Variants in CCAR1 observed in about 807,000 individuals in gnomAD.
The protein encoded by CCAR1 is cell division cycle and apoptosis regulator 1.
CCAR1 carries 78 observed loss-of-function variants against 163.8 expected under a neutral mutation model. That is an observed-to-expected ratio of 0.48 (90% confidence interval 0.40 to 0.57). The LOEUF (loss-of-function observed/expected upper bound fraction) is 0.57, where lower values mean the gene tolerates loss of function less well. CCAR1 is among the 20% of genes least tolerant of loss of function. The probability of loss-of-function intolerance (pLI) is 0.00; values close to 1 mark genes in which losing one functional copy is unlikely to be tolerated. For missense variants in CCAR1, 1,019 were observed against 1,365.2 expected (o/e 0.75, Z 4.00); for synonymous variants, 443 against 460.7 (o/e 0.96, Z 0.49).
In CCAR1 at chr10:68,773,051, G is replaced by T; in HGVS notation, c.2602G>T (p.Asp868Tyr). 6.4e-7 allele frequency: 1 copy of T among 1,569,074 alleles called. No homozygotes were observed. Among genetic ancestry groups the T allele is most frequent in the Non-Finnish European group, 8.7e-7 (1 of 1,152,938 alleles). The change falls in exon 19 of 25, where the codon GAT (aspartate) becomes TAT (tyrosine). Residue 868 changes from aspartate (D) to tyrosine (Y), a missense_variant. By Grantham distance (160) the Asp-to-Tyr change is radical (BLOSUM62 -3). This residue lies in a region of CCAR1 where 358 missense variants were observed against 406.4 expected (regional missense o/e 0.88). Transcript: ENST00000265872. ...DDETEEDNNQ[D>Y]EYDPMEAEEA... is the part of the protein sequence containing the mutation. ...TGAAACTGAAGAAGATAACAATCAA[G>T]ATGAATATGACCCTATGGAAGCAGA... is the stretch of plus-strand genomic sequence containing the variant.
chr10:68,775,117 A>G (rs1482493463), intron 19 of CCAR1: 1 of 201,532 alleles, frequency 5.0e-6, no homozygotes, highest in Non-Finnish European at 1.0e-5. Flanking sequence ...TGATTCAATA[A>G]TTGTTAATAT....
chr10:68,768,828 G>A (rs1322766751), intron 17 of CCAR1, among the ~76,000 whole-genome samples: 1 of 152,004 alleles, frequency 6.6e-6, no homozygotes, highest in African/African-American at 2.4e-5. Flanking sequence ...AAAAGATTGG[G>A]CAACTAATGA....
Position 68,742,562 on chromosome 10 carries a change from CA to C in CCAR1, c.512del (p.Gln171ArgfsTer12). ...FGFVDEDVFF[Q>X]LSAVKGKTPQ... is the part of the protein sequence containing the mutation. ...ATTTGTGGATGAAGATGTATTCTTT[CA>C]GCTTAGGTAAACTTAATGAGGTCTT... On this transcript the variant is annotated frameshift_variant, in exon 6 of 25. Coordinates refer to ENST00000265872, the MANE Select transcript of CCAR1 (RefSeq NM_018237.4). 1.2e-6 allele frequency: 2 copies of C among 1,611,990 alleles called. No individual in the cohort carries two copies. The highest frequency in any genetic ancestry group is 8.5e-7 in the Non-Finnish European group (1 of 1,178,346).
At chr10:68,749,881 G>A (rs183695065) in intron 10 of CCAR1, among the ~76,000 whole-genome samples, 196 bp downstream of exon 10, 22 of 152,196 alleles carry the variant, frequency 1.4e-4, no homozygotes, top group Non-Finnish European at 2.5e-4. Context: ...GAAGGATATC[G>A]ACTGGTATTG....
intron 6 of CCAR1, among the ~76,000 whole-genome samples, chr10:68,744,902 C>T (rs533349755): frequency 6.7e-6 from 1 of 150,020 alleles, no homozygotes; most frequent in East Asian, 2.0e-4. Flanking sequence ...TGCAGTGTTG[C>T]GATCATAGTG....
chr10:68,789,171 A>C (rs1311883878), intron 23 of CCAR1, among the ~76,000 whole-genome samples: 1 of 151,738 alleles, frequency 6.6e-6, no homozygotes, highest in Non-Finnish European at 1.5e-5. Context: ...AGCCTCCCAA[A>C]GTGCTGGGTT....
Position 68,753,973 on chromosome 10 carries a change from G to C in CCAR1, c.1240G>C (p.Gly414Arg). Residue 414 changes from glycine to arginine, a missense_variant, in exon 11 of 25, where the codon GGA (glycine) becomes CGA (arginine). By Grantham distance (125) the Gly-to-Arg change is moderately radical. Transcript: ENST00000265872. The part of the protein sequence containing the change: ...AFPLSRPFQL[G>R]NYCNFYVMHR... The stretch of plus-strand genomic sequence containing the variant: ...CCCTTTGTCAAGACCATTTCAGCTG[G>C]GAAATTACTGCAATTTTTATGTAAT... 1 of 1,613,798 alleles carries C rather than the reference G, an allele frequency of 6.2e-7. No homozygotes were observed. The highest frequency in any genetic ancestry group is 8.5e-7 in the Non-Finnish European group (1 of 1,179,872).
intron 8 of CCAR1, among the ~76,000 whole-genome samples, 190 bp from the exon 9 acceptor site, chr10:68,748,946 G>A (rs1370518502): frequency 6.6e-6 from 1 of 152,044 alleles, no homozygotes; most frequent in Non-Finnish European, 1.5e-5. Context: ...CCAAAGTGCC[G>A]AGATTACTGG....
At chr10:68,723,419 G>A (rs1355447450) in intron 2 of CCAR1, among the ~76,000 whole-genome samples, 1 of 151,018 alleles carries the variant, frequency 6.6e-6, no homozygotes, top group Non-Finnish European at 1.5e-5. Context: ...GTAAGCCACC[G>A]CACCCGGCAG....
chr10:68,754,767 T>C lies in CCAR1; in HGVS notation c.1398T>C (p.Ala466=). Residue 466 remains alanine (A), a synonymous_variant, in exon 12 of 25, where the codon GCT becomes GCC. Transcript: ENST00000265872. ...SMEDLYHKSC[A]LAEDPQELRD... is the part of the protein sequence containing the mutation. ...AAGATTTATATCATAAGTCATGTGC[T>C]CTTGCTGAGGACCCACAAGAACTTC... The C allele has an allele frequency of 6.2e-7, 1 of 1,612,838 alleles. No homozygotes were observed. Among genetic ancestry groups the C allele is most frequent in the Non-Finnish European group, 8.5e-7 (1 of 1,178,876 alleles).
intron 15 of CCAR1, among the ~76,000 whole-genome samples, chr10:68,758,895 C>T (rs552221317): frequency 2.0e-5 from 3 of 151,860 alleles, no homozygotes; most frequent in Non-Finnish European, 2.9e-5. Context: ...CTGGTCTGAA[C>T]TCCTGACCTC....
chr10:68,724,799 G>A (rs1004512063), intron 2 of CCAR1, among the ~76,000 whole-genome samples: 2 of 151,900 alleles, frequency 1.3e-5, no homozygotes, highest in Non-Finnish European at 2.9e-5. Flanking sequence ...GAAAAAGAAA[G>A]AAAACCAACT....
Position 68,747,494 on chromosome 10 carries a change from A to T in CCAR1, c.754A>T (p.Ile252Phe). ...PQPQSLLQAQ[I>F]SAASITPLLQ... ...GCCCCAGTCACTGCTGCAGGCACAG[A>T]TTTCAGCAGCTTCTATTACACCACT... The change falls in exon 8 of 25, where the codon ATT (isoleucine) becomes TTT (phenylalanine). Residue 252 changes from isoleucine (I) to phenylalanine (F), a missense_variant. Coordinates refer to ENST00000265872, the MANE Select transcript of CCAR1 (RefSeq NM_018237.4). 1.2e-6 allele frequency: 2 copies of T among 1,614,162 alleles called. No homozygotes were observed. Among genetic ancestry groups the T allele is most frequent in the Non-Finnish European group, 1.7e-6 (2 of 1,180,020 alleles).
At chr10:68,734,678 G>A (rs936247080) in intron 2 of CCAR1, among the ~76,000 whole-genome samples, 8 of 151,980 alleles carry the variant, frequency 5.3e-5, no homozygotes, top group Non-Finnish European at 8.8e-5. Context: ...TACGTAAAGC[G>A]TAAATGCATT....
Position 68,773,057 on chromosome 10 carries a change from T to C in CCAR1, c.2608T>C (p.Tyr870His). 1.3e-6 allele frequency: 2 copies of C among 1,568,034 alleles called. No homozygotes were observed. Among genetic ancestry groups the C allele is most frequent in the Non-Finnish European group, 1.7e-6 (2 of 1,152,254 alleles). ...TGAAGAAGATAACAATCAAGATGAA[T>C]ATGACCCTATGGAAGCAGAAGAAGC... ...ETEEDNNQDE[Y>H]DPMEAEEAED... The change falls in exon 19 of 25, where the codon TAT becomes CAT. Residue 870 changes from tyrosine (Y) to histidine (H), a missense_variant. Tyr to His is a moderately conservative substitution (Grantham distance 83). Around this residue, in one of 4 missense-constraint regions of CCAR1, gnomAD observed 358 missense variants for 406.4 expected, o/e 0.88. Transcript: ENST00000265872.
At chr10:68,757,701 C>G (rs2056413111) in intron 15 of CCAR1, among the ~76,000 whole-genome samples, 1 of 152,188 alleles carries the variant, frequency 6.6e-6, no homozygotes, top group South Asian at 2.1e-4. Context: ...CAGGCATGAG[C>G]TGCCGTGCCT....
intron 2 of CCAR1, chr10:68,735,937 C>T (rs1284574882): frequency 6.6e-6 from 1 of 152,160 alleles, no homozygotes; most frequent in Non-Finnish European, 1.5e-5. Flanking sequence ...ACTGCAACCT[C>T]CGGCTCCCAG....
intron 4 of CCAR1, among the ~76,000 whole-genome samples, chr10:68,738,811 C>T (rs2056146740): frequency 6.6e-6 from 1 of 151,942 alleles, no homozygotes; most frequent in Non-Finnish European, 1.5e-5. Context: ...CTTTGGGAGG[C>T]CAAGGCGGGC....
Position 68,740,662 on chromosome 10 carries a change from G to A in CCAR1, c.324+1G>A. 2 of 1,607,506 alleles carry A rather than the reference G, an allele frequency of 1.2e-6. No individual in the cohort carries two copies. Among genetic ancestry groups the A allele is most frequent in the Non-Finnish European group, 8.5e-7 (1 of 1,176,324 alleles). On this transcript the variant is annotated splice_donor_variant, in intron 5 of 24. Coordinates refer to ENST00000265872, the MANE Select transcript of CCAR1 (RefSeq NM_018237.4). LOFTEE classifies it high-confidence loss of function. ...ACCCCAGCAAACCCTCTTAACACAG[G>A]TTAGTTGGTATTACTTTATTTGTTT...
Sources: allele counts gnomAD v4.1 joint callset (sites outside exome capture counted in the v4.1 genomes callset), GRCh38; gene constraint gnomAD v4.1.1; regional missense constraint gnomAD v4.1.1; transcripts MANE v1.5; gene names NCBI Gene and HGNC (gene_info 2026-07-23, HGNC 2026-07-21).